Variants in ADGRV1 observed in about 807,000 individuals in gnomAD.
ADGRV1 encodes adhesion G protein-coupled receptor V1.
ADGRV1 carries 359 observed loss-of-function variants against 596.2 expected under a neutral mutation model. The observed-to-expected ratio is 0.60, with a 90% CI of 0.55 to 0.66. The LOEUF is 0.66. Among genes scored for constraint, ADGRV1 ranks in the 30% least tolerant of loss-of-function variants. The pLI, the probability that ADGRV1 is intolerant of heterozygous loss-of-function variation, is 0.00. For synonymous variants in ADGRV1, 2,681 were observed against 2,679.2 expected (o/e 1.00, Z -0.02); for missense variants, 7,274 against 7,575.6 (o/e 0.96, Z 1.48).
chr5:90,735,037 T>G (rs1365963989), intron 50 of ADGRV1, among the ~76,000 whole-genome samples: 2 of 152,242 alleles, frequency 1.3e-5, no homozygotes, highest in Non-Finnish European at 2.9e-5. Flanking sequence ...TTTAATTTGA[T>G]GCAATCCCAT....
At chr5:90,747,315 G>A (rs1200993782) in intron 52 of ADGRV1, among the ~76,000 whole-genome samples, 1 of 152,122 alleles carries the variant, frequency 6.6e-6, no homozygotes, top group African/African-American at 2.4e-5. Context: ...GGTTCAACAG[G>A]TGCAGGGCCA....
intron 86 of ADGRV1, among the ~76,000 whole-genome samples, chr5:91,084,653 T>C (rs1789703866): frequency 6.6e-6 from 1 of 152,180 alleles, no homozygotes; most frequent in African/African-American, 2.4e-5. Flanking sequence ...AGTTCAACCA[T>C]TGTGGAAGAC....
intron 83 of ADGRV1, among the ~76,000 whole-genome samples, chr5:90,868,648 CTT>C (rs35485525): frequency 2.9e-4 from 40 of 137,162 alleles, no homozygotes; most frequent in East Asian, 1.0e-3. Context: ...GTATGTAAGC[CTT>C]TTTTTTTTTT....
intron 87 of ADGRV1, among the ~76,000 whole-genome samples, chr5:91,110,421 G>A (rs147500919): frequency 0.012 from 1,869 of 152,208 alleles, 44 homozygotes; most frequent in African/African-American, 0.042. Context: ...CTAGTGCAGC[G>A]CTAGACCTGC....
chr5:90,582,499 A>G (rs1382003806), intron 1 of ADGRV1, among the ~76,000 whole-genome samples: 1 of 152,162 alleles, frequency 6.6e-6, no homozygotes, highest in Non-Finnish European at 1.5e-5. Context: ...TTTATTTGAT[A>G]TAAGAATAGT....
chr5:91,109,586 A>C (rs116014774), intron 87 of ADGRV1, among the ~76,000 whole-genome samples: 1,616 of 152,264 alleles, frequency 0.011, 24 homozygotes, highest in African/African-American at 0.037. Context: ...AAGTGCATTG[A>C]TCATGGTGGC....
intron 50 of ADGRV1, among the ~76,000 whole-genome samples, chr5:90,741,357 A>G (rs978797613): frequency 7.9e-6 from 1 of 127,140 alleles, no homozygotes; most frequent in Non-Finnish European, 1.6e-5. Context: ...TTATCCTAAG[A>G]TATACAACTT....
chr5:90,974,813 C>T (rs1437966981), intron 84 of ADGRV1, among the ~76,000 whole-genome samples: 2 of 152,170 alleles, frequency 1.3e-5, no homozygotes, highest in Non-Finnish European at 2.9e-5. Context: ...GTCTAAAACA[C>T]CAAAAGCAAT....
At chr5:91,152,525 A>C (rs1299678345) in intron 88 of ADGRV1, among the ~76,000 whole-genome samples, 1 of 152,224 alleles carries the variant, frequency 6.6e-6, no homozygotes, top group African/African-American at 2.4e-5. Context: ...CGTTCCCCAC[A>C]CATGACAACA....
At chr5:91,011,665 G>GA (rs1562086922) in intron 85 of ADGRV1, among the ~76,000 whole-genome samples, 4 of 151,632 alleles carry the variant, frequency 2.6e-5, no homozygotes, top group African/African-American at 9.7e-5. Flanking sequence ...TCTCTAACTA[G>GA]TATCATCATT....
intron 85 of ADGRV1, among the ~76,000 whole-genome samples, chr5:91,008,390 T>C (rs745522923): frequency 6.6e-5 from 10 of 152,186 alleles, no homozygotes; most frequent in Non-Finnish European, 1.5e-4. Context: ...CAGATAGATA[T>C]AGTAGATGCA....
intron 85 of ADGRV1, among the ~76,000 whole-genome samples, chr5:91,054,760 G>A (rs62376491): frequency 0.23 from 35,515 of 152,006 alleles, 4,470 homozygotes; most frequent in Non-Finnish European, 0.28. Flanking sequence ...ATACCATCAC[G>A]TTGGGGGTTA....
At chr5:90,774,129 T>G (rs1204804577) in intron 59 of ADGRV1, 57 bp from the exon 60 acceptor site, 2 of 910,492 alleles carry the variant, frequency 2.2e-6, no homozygotes, top group Non-Finnish European at 3.4e-6. Context: ...AATGACAACA[T>G]TCAAACTTTG....
At chr5:90,721,536 T>TA (rs1257063979) in intron 45 of ADGRV1, among the ~76,000 whole-genome samples, 9 of 12,612 alleles carry the variant, frequency 7.1e-4, no homozygotes, top group East Asian at 0.062. Flanking sequence ...AAAATAAAAA[T>TA]AAAATAAAAT....
chr5:90,644,740 TG>T lies in ADGRV1; in HGVS notation c.2771del (p.Gly924ValfsTer56). ...YDVVRNRGNFGDVSVSWVVSP... is the reference protein window; with the variant it reads ...YDVVRNRGNFXDVSVSWVVSP... ...ATGTAGTAAGAAATCGAGGCAACTT[TG>T]GTGATGTTAGTGTATCATGGGTGGT... On this transcript the variant is annotated frameshift_variant, in exon 15 of 90. Transcript: ENST00000405460. LOFTEE classifies it high-confidence loss of function. 1 of 1,611,408 alleles carries T rather than the reference TG, an allele frequency of 6.2e-7. No individual in the cohort carries two copies. The highest frequency in any genetic ancestry group is 8.5e-7 in the Non-Finnish European group (1 of 1,179,204).
intron 13 of ADGRV1, among the ~76,000 whole-genome samples, chr5:90,643,362 T>C (rs1348418895): frequency 6.6e-6 from 1 of 151,862 alleles, no homozygotes; most frequent in Non-Finnish European, 1.5e-5. Flanking sequence ...GAACTTTTAA[T>C]GATGTGGTTT....
intron 78 of ADGRV1, among the ~76,000 whole-genome samples, chr5:90,843,128 G>A (rs1765577071): frequency 6.6e-6 from 1 of 152,060 alleles, no homozygotes; most frequent in African/African-American, 2.4e-5. Context: ...TATATCATTA[G>A]GTTGTTTTGG....
intron 83 of ADGRV1, among the ~76,000 whole-genome samples, chr5:90,893,531 A>G (rs750533437): frequency 1.3e-5 from 2 of 152,198 alleles, no homozygotes; most frequent in Non-Finnish European, 2.9e-5. Flanking sequence ...AAGTCAAACT[A>G]TTCGACAAGT....
chr5:90,975,815 C>A (rs1193719259), intron 84 of ADGRV1, among the ~76,000 whole-genome samples: 2 of 151,616 alleles, frequency 1.3e-5, no homozygotes, highest in Admixed American at 1.3e-4. Context: ...AACAAACCTG[C>A]ACATTGTGCA....
Sources: gnomAD v4.1 joint callset for allele counts (sites outside exome capture counted in the v4.1 genomes callset) on GRCh38, gnomAD v4.1.1 for gene constraint, MANE v1.5 for transcripts, NCBI Gene and HGNC (gene_info 2026-07-23, HGNC 2026-07-21) for gene names.